Variants in DLG2 observed in about 807,000 individuals in gnomAD.
The protein encoded by DLG2 is discs large MAGUK scaffold protein 2.
A neutral mutation model predicts 132.5 loss-of-function variants in DLG2; 45 were observed. The ratio of observed to expected loss-of-function variants is 0.34; its 90% CI spans 0.27 to 0.44. The LOEUF is 0.44. DLG2 is among the 20% of genes least tolerant of loss of function. DLG2 has a pLI of 1.00. For synonymous variants in DLG2, 424 were observed against 419.6 expected (o/e 1.01, Z -0.13); for missense variants, 1,045 against 1,196.9 (o/e 0.87, Z 1.87).
intron 4 of DLG2, among the ~76,000 whole-genome samples, chr11:85,186,381 G>A (rs2080101307): frequency 6.6e-6 from 1 of 151,808 alleles, no homozygotes; most frequent in Non-Finnish European, 1.5e-5. Flanking sequence ...TATTTTATAT[G>A]TATCCAACAT....
chr11:84,847,636 C>A (rs2081642039), intron 6 of DLG2, among the ~76,000 whole-genome samples: 1 of 152,104 alleles, frequency 6.6e-6, no homozygotes, highest in Non-Finnish European at 1.5e-5. Context: ...ACGGCTTTAG[C>A]TCAAGAAACA....
chr11:84,227,731 T>C (rs1254237549), intron 8 of DLG2, among the ~76,000 whole-genome samples: 1 of 151,998 alleles, frequency 6.6e-6, no homozygotes, highest in East Asian at 1.9e-4. Flanking sequence ...CTGGCCGACA[T>C]AATGAAACCT....
At chr11:84,076,488 G>A (rs572961118) in intron 10 of DLG2, among the ~76,000 whole-genome samples, 1 of 152,238 alleles carries the variant, frequency 6.6e-6, no homozygotes, top group East Asian at 1.9e-4. Flanking sequence ...AAAAACCTGA[G>A]GATTTGATAA....
At chr11:83,680,784 C>T (rs1220418180) in intron 18 of DLG2, among the ~76,000 whole-genome samples, 1 of 152,002 alleles carries the variant, frequency 6.6e-6, no homozygotes. Context: ...AGAAAGTATA[C>T]TAAGAAAGGA....
At chr11:83,488,709 G>A (rs774501082) in intron 21 of DLG2, among the ~76,000 whole-genome samples, 7 of 151,934 alleles carry the variant, frequency 4.6e-5, no homozygotes, top group African/African-American at 7.2e-5. Context: ...TTTATACTGA[G>A]CTCAGATACG....
intron 19 of DLG2, among the ~76,000 whole-genome samples, chr11:83,619,132 T>C (rs988749176): frequency 6.6e-6 from 1 of 152,184 alleles, no homozygotes; most frequent in Non-Finnish European, 1.5e-5. Context: ...TAGCATCCTG[T>C]AGCAGGAAAC....
At chr11:83,495,042 T>C (rs1462713120) in intron 21 of DLG2, among the ~76,000 whole-genome samples, 5 of 152,142 alleles carry the variant, frequency 3.3e-5, no homozygotes, top group African/African-American at 1.2e-4. Flanking sequence ...CTAAGCTCCC[T>C]TTCTTATAGT....
At chr11:85,372,015 T>A (rs2085021079) in intron 3 of DLG2, among the ~76,000 whole-genome samples, 1 of 152,226 alleles carries the variant, frequency 6.6e-6, no homozygotes, top group Non-Finnish European at 1.5e-5. Flanking sequence ...AACTTATACA[T>A]TTGTCATTAA....
chr11:85,583,130 G>GTATATATATATATATA (rs3068386), intron 3 of DLG2, among the ~76,000 whole-genome samples: 13 of 13,598 alleles, frequency 9.6e-4, no homozygotes, highest in Non-Finnish European at 1.4e-3. Flanking sequence ...GTGTGTGTGT[G>GTATATATATATATATA]TATATATATA....
chr11:85,446,496 T>C (rs1289354554), intron 3 of DLG2, among the ~76,000 whole-genome samples: 1 of 152,246 alleles, frequency 6.6e-6, no homozygotes, highest in African/African-American at 2.4e-5. Flanking sequence ...AATAAATTTG[T>C]TAATAATCAC....
At chr11:84,106,813 C>CTGTGTGTG (rs71066090) in intron 9 of DLG2, among the ~76,000 whole-genome samples, 21 of 132,824 alleles carry the variant, frequency 1.6e-4, no homozygotes, top group Non-Finnish European at 2.7e-4. Flanking sequence ...AGATTATTAT[C>CTGTGTGTG]TGTGTGTGTG....
intron 18 of DLG2, among the ~76,000 whole-genome samples, chr11:83,741,583 A>C (rs970244134): frequency 6.6e-6 from 1 of 152,198 alleles, no homozygotes; most frequent in Non-Finnish European, 1.5e-5. Flanking sequence ...AATACCTAAT[A>C]ATACAGCTAA....
At chr11:83,546,480 G>A (rs143624738) in intron 19 of DLG2, among the ~76,000 whole-genome samples, 44 of 152,200 alleles carry the variant, frequency 2.9e-4, no homozygotes, top group South Asian at 8.3e-4. Context: ...AGGGTGCTGC[G>A]GAGATACGAC....
At chr11:83,857,360 A>T (rs2060694939) in intron 16 of DLG2, among the ~76,000 whole-genome samples, 2 of 152,178 alleles carry the variant, frequency 1.3e-5, no homozygotes, top group Non-Finnish European at 2.9e-5. Flanking sequence ...GAAGAATCTC[A>T]TGGTAGTTTA....
In DLG2 at chr11:83,594,258, C is replaced by T. The variant is rs146519141; in HGVS notation, c.1940+38953G>A. 2.4e-4 allele frequency among the ~76,000 whole-genome samples: 36 copies of T among 152,348 alleles called. No homozygotes were observed. The South Asian group carries it at 3.5e-3, about 15-fold the overall frequency. On this transcript the variant is annotated intron_variant, in intron 19 of 27. Transcript: ENST00000376104. ...TGGTGCAGCTCTAAGATTGTGGCCC[C>T]TCCATCATTGTGAGTACTGAGTGAC...
chr11:84,502,176 T>TTTCCCTCTC, intron 7 of DLG2, among the ~76,000 whole-genome samples: 1 of 25,592 alleles, frequency 3.9e-5, no homozygotes, highest in Non-Finnish European at 8.8e-5. Context: ...CTCTCTCTCT[T>TTTCCCTCTC]TCTCTCTCTT....
At position 83,458,867 on chromosome 11, in the gene DLG2, G is replaced by A. The variant is rs543039665; in HGVS notation, c.*951C>T. The A allele has an allele frequency of 1.3e-5, 2 of 152,336 alleles. No homozygotes were observed. The highest frequency in any genetic ancestry group is 1.9e-4 in the East Asian group (1 of 5,190). 9.4% of individuals were successfully genotyped at this position (152,336 alleles called of 1,614,324 possible). On this transcript the variant is annotated 3_prime_UTR_variant, in exon 28 of 28. Coordinates refer to ENST00000376104, the MANE Select transcript of DLG2 (RefSeq NM_001142699.3). ...TCATTAAGGGATGTGCTGCATGAGA[G>A]TGTATCACTAATGTGGAAGGGAGGT...
intron 11 of DLG2, among the ~76,000 whole-genome samples, chr11:83,994,583 G>C (rs2093920869): frequency 6.6e-6 from 1 of 152,004 alleles, no homozygotes; most frequent in Non-Finnish European, 1.5e-5. Flanking sequence ...AAAATCACTG[G>C]ATCTTTTTTC....
At chr11:83,866,195 C>G (rs984355423) in intron 16 of DLG2, among the ~76,000 whole-genome samples, 1 of 152,114 alleles carries the variant, frequency 6.6e-6, no homozygotes, top group Non-Finnish European at 1.5e-5. Context: ...CTTTGCTCAT[C>G]ATTATATTCC....
Sources: allele counts gnomAD v4.1 joint callset (sites outside exome capture counted in the v4.1 genomes callset), GRCh38; gene constraint gnomAD v4.1.1; transcripts MANE v1.5; gene names NCBI Gene and HGNC (gene_info 2026-07-23, HGNC 2026-07-21).